KLF12: variants seen among roughly 807,000 people sequenced by gnomAD.
The protein encoded by KLF12 is Krueppel-like factor 12.
In KLF12, 9 loss-of-function variants were observed where a neutral mutation model predicts 37.8. That is an observed-to-expected ratio of 0.24 (90% CI 0.14 to 0.42). The LOEUF (loss-of-function observed/expected upper bound fraction) is 0.42. Ranked by LOEUF, KLF12 falls within the 10% of genes least tolerant of loss-of-function variation. The pLI is 1.00. For missense variants in KLF12, 411 were observed against 516.0 expected, an observed-to-expected ratio of 0.80 and a Z score of 1.97; for synonymous variants, 208 against 202.1, an observed-to-expected ratio of 1.03 and a Z score of -0.25.
At chr13:74,249,960 T>G in the KLF12 span, among the ~76,000 whole-genome samples, 6 of 152,182 alleles carry the variant, frequency 3.9e-5, no homozygotes, top group Non-Finnish European at 4.4e-5. Context: ...CTCAACAGTG[T>G]CCAAACTTTG....
At chr13:73,774,350 A>AT (rs1407709732) in intron 5 of KLF12, among the ~76,000 whole-genome samples, 1 of 151,842 alleles carries the variant, frequency 6.6e-6, no homozygotes, top group Non-Finnish European at 1.5e-5. Flanking sequence ...ATACAGTACA[A>AT]AATGTAAGAG....
At chr13:74,011,322 T>C (rs371860813) in intron 1 of KLF12, among the ~76,000 whole-genome samples, 67 of 151,584 alleles carry the variant, frequency 4.4e-4, no homozygotes, top group African/African-American at 1.5e-3. Flanking sequence ...GGCAAAATGC[T>C]AGAACTGCTA....
At chr13:74,302,905 G>T in the KLF12 span, among the ~76,000 whole-genome samples, 1 of 152,050 alleles carries the variant, frequency 6.6e-6, no homozygotes, top group Non-Finnish European at 1.5e-5. Flanking sequence ...TCCATGCCTT[G>T]GGTCAGGGCC....
upstream of KLF12, among the ~76,000 whole-genome samples, chr13:74,135,887 T>A (rs1448961564): frequency 6.6e-6 from 1 of 152,218 alleles, no homozygotes; most frequent in Non-Finnish European, 1.5e-5. Flanking sequence ...CAGGGCCAGC[T>A]GGGCTCCCCA....
At chr13:74,187,975 C>A in the KLF12 span, among the ~76,000 whole-genome samples, 1 of 152,096 alleles carries the variant, frequency 6.6e-6, no homozygotes, top group Non-Finnish European at 1.5e-5. Context: ...AATGACCAGG[C>A]CTTACTCAAT....
At chr13:73,855,604 A>G (rs1885568495) in intron 3 of KLF12, among the ~76,000 whole-genome samples, 1 of 152,182 alleles carries the variant, frequency 6.6e-6, no homozygotes, top group African/African-American at 2.4e-5. Flanking sequence ...TCCTTTGGGT[A>G]TATACCAGTA....
chr13:73,779,613 C>T (rs1594081975), intron 5 of KLF12, among the ~76,000 whole-genome samples: 1 of 152,208 alleles, frequency 6.6e-6, no homozygotes, highest in African/African-American at 2.4e-5. Context: ...TTCTGCAAGG[C>T]GTTCTCACCA....
intron 4 of KLF12, among the ~76,000 whole-genome samples, chr13:73,818,509 A>C (rs1295973518): frequency 2.0e-5 from 3 of 151,566 alleles, no homozygotes; most frequent in Non-Finnish European, 2.9e-5. Flanking sequence ...ATTCATTCTC[A>C]CCTCCCCTCA....
In KLF12 at chr13:73,838,998, A is replaced by C. The variant is rs533764142; in HGVS notation, c.670+6829T>G. 9.2e-5 allele frequency among the ~76,000 whole-genome samples: 14 copies of C among 152,240 alleles called. No individual in the cohort carries two copies. In the South Asian group the frequency reaches 2.9e-3, roughly 32 times the overall value. On this transcript the variant is annotated intron_variant, in intron 4 of 7. Transcript: ENST00000377669. Reference sequence around the variant, plus strand: ...GCTCAAGTCTCACTCCCAGGCATCAAGGTTACCATCAAGGTTACTGGCTCA... The same window carrying C: ...GCTCAAGTCTCACTCCCAGGCATCACGGTTACCATCAAGGTTACTGGCTCA...
chr13:74,250,565 G>C, the KLF12 span, among the ~76,000 whole-genome samples: 3 of 152,158 alleles, frequency 2.0e-5, no homozygotes, highest in Non-Finnish European at 4.4e-5. Context: ...GGGCAGAGAA[G>C]GCCAGAGCTA....
the KLF12 span, among the ~76,000 whole-genome samples, chr13:74,251,854 C>G: frequency 1.3e-5 from 2 of 152,222 alleles, no homozygotes. Context: ...CTGTTGTCCT[C>G]CAGGCTGCAT....
intron 1 of KLF12, among the ~76,000 whole-genome samples, chr13:74,067,521 G>A (rs917771923): frequency 1.3e-5 from 2 of 152,132 alleles, no homozygotes; most frequent in Non-Finnish European, 2.9e-5. Flanking sequence ...TCACTATATA[G>A]AAGGATGCAG....
At chr13:74,064,261 A>G (rs1451600427) in intron 1 of KLF12, among the ~76,000 whole-genome samples, 1 of 152,196 alleles carries the variant, frequency 6.6e-6, no homozygotes, top group East Asian at 1.9e-4. Context: ...AGGCTCATAT[A>G]TAACTGTATA....
chr13:73,928,644 A>G (rs1284614784), intron 3 of KLF12, among the ~76,000 whole-genome samples: 1 of 152,222 alleles, frequency 6.6e-6, no homozygotes. Flanking sequence ...AAACATGATA[A>G]AATAATGAGA....
intron 4 of KLF12, among the ~76,000 whole-genome samples, chr13:73,817,578 G>A (rs1883303218): frequency 6.6e-6 from 1 of 152,164 alleles, no homozygotes; most frequent in African/African-American, 2.4e-5. Flanking sequence ...CATGTTTTAA[G>A]TTTGGCCTAA....
At chr13:73,957,104 A>AG (rs879939473) in intron 2 of KLF12, among the ~76,000 whole-genome samples, 4,129 of 130,586 alleles carry the variant, frequency 0.032, 240 homozygotes, top group Admixed American at 0.049. Flanking sequence ...AGGAAAGGAA[A>AG]GAAAGGAAAA....
chr13:73,885,135 T>C (rs573397616), intron 3 of KLF12, among the ~76,000 whole-genome samples: 27 of 152,342 alleles, frequency 1.8e-4, no homozygotes, highest in Non-Finnish European at 3.4e-4. Context: ...CAAAGACAGA[T>C]TCCCATAGCC....
At chr13:74,260,095 C>T in the KLF12 span, 207 of 152,134 alleles carry the variant, frequency 1.4e-3, no homozygotes, top group African/African-American at 4.6e-3. Flanking sequence ...GTACTTCATA[C>T]AGTAGGAGCT....
the KLF12 span, among the ~76,000 whole-genome samples, chr13:74,216,239 T>C: frequency 6.6e-6 from 1 of 152,226 alleles, no homozygotes; most frequent in Non-Finnish European, 1.5e-5. Context: ...TAAAAAGTCT[T>C]TTTAAAGTTT....
Sources: gnomAD v4.1 joint callset for allele counts (sites outside exome capture counted in the v4.1 genomes callset) on GRCh38, gnomAD v4.1.1 for gene constraint, MANE v1.5 for transcripts, NCBI Gene and HGNC (gene_info 2026-07-23, HGNC 2026-07-21) for gene names.